Variants in MED23 observed in about 807,000 individuals in gnomAD.
The protein encoded by MED23 is mediator of RNA polymerase II transcription subunit 23.
Under a neutral mutation model 163.9 loss-of-function variants are expected in MED23, and 105 were observed. The observed-to-expected ratio is 0.64, with a 90% confidence interval of 0.55 to 0.75. MED23 has a LOEUF of 0.75. MED23 is among the 30% of genes least tolerant of loss of function. The pLI is 0.00. For synonymous variants in MED23, 561 were observed against 565.6 expected (o/e 0.99, Z 0.12); for missense variants, 1,054 against 1,649.0 (o/e 0.64, Z 6.25).
At chr6:131,607,428 T>G (rs1300052875) in intron 12 of MED23, among the ~76,000 whole-genome samples, 1 of 151,882 alleles carries the variant, frequency 6.6e-6, no homozygotes, top group Non-Finnish European at 1.5e-5. Context: ...GCATGTAATC[T>G]CAGCTACTCG....
chr6:131,591,165 A>G (rs568563704), intron 26 of MED23, 148 bp downstream of exon 26: 28 of 663,936 alleles, frequency 4.2e-5, no homozygotes, highest in Admixed American at 1.1e-4. Context: ...TTTTTAGTAG[A>G]GATGGGGTTT....
At chr6:131,593,227 C>G (rs1178274490) in intron 23 of MED23, 56 bp from the exon 24 acceptor site, 6 of 1,603,178 alleles carry the variant, frequency 3.7e-6, no homozygotes, top group Non-Finnish European at 5.1e-6. Flanking sequence ...GTCAATTTAT[C>G]TGATTATGAG....
chr6:131,584,924 AGGAGAC>A (rs1774124391), downstream of MED23, among the ~76,000 whole-genome samples: 1 of 150,878 alleles, frequency 6.6e-6, no homozygotes, highest in African/African-American at 2.4e-5. Context: ...GCTTGAGCCC[AGGAGAC>A]GGAAGTTGCA....
chr6:131,584,138 TAGAA>T (rs1367932520), downstream of MED23: 5 of 537,616 alleles, frequency 9.3e-6, no homozygotes, highest in Non-Finnish European at 1.6e-5. Context: ...GACTTATCCT[TAGAA>T]AGAGAAGTGT....
At chr6:131,602,918 G>C in intron 16 of MED23, 112 bp downstream of exon 16, 1 of 1,127,794 alleles carries the variant, frequency 8.9e-7, no homozygotes, top group Non-Finnish European at 1.3e-6. Flanking sequence ...TTTTATGACA[G>C]ATGAATAATA....
chr6:131,588,581 C>A lies in MED23; in HGVS notation c.3940-735G>T, dbSNP rs367810327. Among the ~76,000 whole-genome samples the A allele has an allele frequency of 7.9e-5, 12 of 152,328 alleles. No individual in the cohort carries two copies. The South Asian group carries it at 2.5e-3, about 32-fold the overall frequency. The stretch of plus-strand genomic sequence containing the variant: ...GTTGTAACAAAAGCAGATACAATTT[C>A]TCTCTTTCTTACATGAGAGAGAACA... On this transcript the variant is annotated intron_variant, in intron 28 of 28. Transcript: ENST00000368068.
chr6:131,603,574 T>C (rs904112531), intron 15 of MED23, among the ~76,000 whole-genome samples: 1 of 152,172 alleles, frequency 6.6e-6, no homozygotes, highest in Non-Finnish European at 1.5e-5. Context: ...CAAAAAATTG[T>C]ATTATACCTG....
In MED23 at chr6:131,592,391, T is replaced by C; in HGVS notation, c.3468A>G (p.Leu1156=). Residue 1156 remains leucine (L), a synonymous_variant, in exon 25 of 29, where the codon CTA becomes CTG. Transcript: ENST00000368068. ...CAAATCACAATTATTAACTCACTGG[T>C]AGGGCAGTGATGATCAAACCAATTG... ...MNAIGLIITA[L]PEPYWIVLHD... The C allele has an allele frequency of 1.2e-6, 2 of 1,611,606 alleles. No homozygotes were observed. Among genetic ancestry groups the C allele is most frequent in the Non-Finnish European group, 1.7e-6 (2 of 1,177,724 alleles).
chr6:131,607,662 T>G (rs925714355), intron 12 of MED23, among the ~76,000 whole-genome samples: 2 of 152,156 alleles, frequency 1.3e-5, no homozygotes, highest in Non-Finnish European at 2.9e-5. Flanking sequence ...GGGGACATAC[T>G]GAGGCTCAAC....
chr6:131,589,587 C>A lies in MED23; in HGVS notation c.3817G>T (p.Ala1273Ser). The A allele has an allele frequency of 6.2e-7, 1 of 1,613,808 alleles. No homozygotes were observed. ...RTRCMIEIGVAFYDMLLNVDQ... is the reference protein window; with the variant it reads ...RTRCMIEIGVSFYDMLLNVDQ... Reference sequence around the variant, plus strand: ...ACATTCAGCAGCATGTCATAAAACGCCACACCAATCTATTTAACAAATAAT... The same window carrying A: ...ACATTCAGCAGCATGTCATAAAACGACACACCAATCTATTTAACAAATAAT... The change falls in exon 28 of 29, where the codon GCG becomes TCG. Residue 1273 changes from alanine (A) to serine (S), a missense_variant. Physicochemically the swap from Ala to Ser is moderately conservative, Grantham distance 99. Around this residue, in one of 11 missense-constraint regions of MED23, gnomAD observed 362 missense variants for 471.6 expected, o/e 0.77. Coordinates refer to ENST00000368068, the MANE Select transcript of MED23 (RefSeq NM_004830.4).
chr6:131,626,221 T>C (rs1199976841), intron 3 of MED23, among the ~76,000 whole-genome samples: 1 of 151,676 alleles, frequency 6.6e-6, no homozygotes, highest in Non-Finnish European at 1.5e-5. Context: ...ATAATTTCTA[T>C]AAAAATTACA....
chr6:131,590,330 TACA>T lies in MED23; in HGVS notation c.3796_3798del (p.Cys1266del). On this transcript the variant is annotated inframe_deletion, in exon 27 of 29. Transcript: ENST00000368068. ...CCCAGATTATATTTTACCTCTATCA[TACA>T]ACGAGTTCTCTCTTGCTGAAATCTT... 1 of 1,612,154 alleles carries T rather than the reference TACA, an allele frequency of 6.2e-7. No homozygotes were observed. The highest frequency in any genetic ancestry group is 8.5e-7 in the Non-Finnish European group (1 of 1,178,566).
Position 131,576,507 on chromosome 6 carries a change from T to C in MED23, c.4096-2212A>G, listed in dbSNP as rs1374835646. The C allele has an allele frequency of 1.1e-5, 8 of 704,852 alleles. No individual in the cohort carries two copies. The Admixed American group carries it at 1.5e-4, about 14-fold the overall frequency. The allele number at this position is 704,852 out of a possible 1,614,324, so 43.7% of individuals were successfully genotyped here. A position where few individuals can be genotyped will look rare whatever the true frequency, so the allele number is the denominator to read the frequency against. The stretch of plus-strand genomic sequence containing the variant: ...ATAAAAGTCATTCAGTCTACCTTGC[T>C]GTGAAGATTAAAAGAGATGATGTAA... On this transcript the variant is annotated intron_variant, in intron 30 of 30. Coordinates refer to the MED23 transcript ENST00000354577.
At chr6:131,577,515 C>T (rs1773678204) in intron 30 of MED23, among the ~76,000 whole-genome samples, 1 of 151,924 alleles carries the variant, frequency 6.6e-6, no homozygotes, top group South Asian at 2.1e-4. Context: ...TTTATAATAA[C>T]CAAAAAATGG....
At chr6:131,620,949 T>G (rs115339031) in intron 6 of MED23, among the ~76,000 whole-genome samples, 2,995 of 152,096 alleles carry the variant, frequency 0.02, 117 homozygotes, top group African/African-American at 0.069. Context: ...ACTATAGGTG[T>G]ATGCCAGCAG....
chr6:131,626,122 C>CAAA (rs138561737), intron 3 of MED23, among the ~76,000 whole-genome samples: 1 of 59,682 alleles, frequency 1.7e-5, no homozygotes, highest in Non-Finnish European at 3.9e-5. Context: ...ACTCTGTCTC[C>CAAA]AAAAAAAAAA....
At chr6:131,602,930 TA>T (rs879446085) in intron 16 of MED23, 99 bp downstream of exon 16, 5,711 of 987,752 alleles carry the variant, frequency 5.8e-3, no homozygotes, top group Middle Eastern at 8.2e-3. Flanking sequence ...TGAATAATAA[TA>T]AAAAAAAAAA....
At chr6:131,583,108 GGA>G, downstream of MED23, 1 of 1,613,870 alleles carries the variant, frequency 6.2e-7, no homozygotes, top group South Asian at 1.1e-5. Flanking sequence ...TGACTGAAGT[GGA>G]CAGACTAGGA....
At position 131,610,228 on chromosome 6, in the gene MED23, C is replaced by A. The variant is rs1562392765; in HGVS notation, c.895G>T (p.Val299Leu). The change falls in exon 11 of 29, where the codon GTG (valine) becomes TTG (leucine). Residue 299 changes from valine to leucine, a missense_variant. Around this residue, in one of 11 missense-constraint regions of MED23, gnomAD observed 26 missense variants for 28.4 expected, o/e 0.92. Transcript: ENST00000368068. ...LNKQHKQRCP[V>L]LEDQLVDLVV... ...AGATCCACCAACTGGTCCTCCAGCA[C>A]AGGGCAGCGCTGCTTGTGCTGTAGG... The A allele has an allele frequency of 1.2e-6, 2 of 1,613,928 alleles. No homozygotes were observed. Among genetic ancestry groups the A allele is most frequent in the Non-Finnish European group, 1.7e-6 (2 of 1,179,902 alleles).
Sources: gnomAD v4.1 joint callset for allele counts (sites outside exome capture counted in the v4.1 genomes callset) on GRCh38, gnomAD v4.1.1 for gene constraint, gnomAD v4.1.1 regional missense constraint, MANE v1.5 for transcripts, NCBI Gene and HGNC (gene_info 2026-07-23, HGNC 2026-07-21) for gene names.